Variants in PCNX2 observed in about 807,000 individuals in gnomAD.
PCNX2 encodes the protein pecanex-like protein 2.
Under a neutral mutation model 223.8 loss-of-function variants are expected in PCNX2, and 168 were observed. That is an observed-to-expected ratio of 0.75 (90% CI 0.66 to 0.85). The LOEUF (loss-of-function observed/expected upper bound fraction) is 0.85. Among genes scored for constraint, PCNX2 ranks in the 40% least tolerant of loss-of-function variants. The pLI is 0.00. For missense variants in PCNX2, 2,507 were observed against 2,675.5 expected (o/e 0.94, Z 1.39); for synonymous variants, 1,006 against 1,052.6 (o/e 0.96, Z 0.86).
Position 233,135,186 on chromosome 1 carries a change from C to A in PCNX2, c.3664G>T (p.Asp1222Tyr). 1 of 1,612,822 alleles carries A rather than the reference C, an allele frequency of 6.2e-7. No individual in the cohort carries two copies. Among genetic ancestry groups the A allele is most frequent in the Non-Finnish European group, 8.5e-7 (1 of 1,179,438 alleles). The change falls in exon 21 of 34, where the codon GAC becomes TAC. Residue 1222 changes from aspartate (D) to tyrosine (Y), a missense_variant. Around this residue, in one of 3 missense-constraint regions of PCNX2, gnomAD observed 1,372 missense variants for 1,509.4 expected, o/e 0.91. Transcript: ENST00000258229. ...CCAGCAATGATCATCAGAAAAATGT[C>A]CCAGCTGTTGGAAACAAAAGAAAAG... ...SNHRRLGTHWDIFLMIIAGMK... is the reference protein window; with the variant it reads ...SNHRRLGTHWYIFLMIIAGMK...
rs778258007 is a variant in PCNX2, at chr1:233,160,403, C to A, written c.3397G>T (p.Ala1133Ser). The change falls in exon 19 of 34, where the codon GCT becomes TCT. Residue 1133 changes from alanine to serine, a missense_variant. This residue lies in a region of PCNX2 where 1,372 missense variants were observed against 1,509.4 expected (regional missense o/e 0.91). Coordinates refer to ENST00000258229, the MANE Select transcript of PCNX2 (RefSeq NM_014801.4). ...TGTGTTACAAACCCCACGGCTCCAGCCAAGGCAAACAGCACGATGCTGAGA... is the reference window on the plus strand; with the variant it reads ...TGTGTTACAAACCCCACGGCTCCAGACAAGGCAAACAGCACGATGCTGAGA... ...PFLSIVLFAL[A>S]GAVGFVTHYV... 1.2e-6 allele frequency: 2 copies of A among 1,613,588 alleles called. No individual in the cohort carries two copies. Among genetic ancestry groups the A allele is most frequent in the Non-Finnish European group, 1.7e-6 (2 of 1,179,702 alleles).
rs1659917671 is a variant in PCNX2, at chr1:233,259,245, T to A, written c.617A>T (p.Glu206Val). 6.2e-7 allele frequency: 1 copy of A among 1,613,872 alleles called. No homozygotes were observed. The highest frequency in any genetic ancestry group is 8.5e-7 in the Non-Finnish European group (1 of 1,179,904). The change falls in exon 5 of 34, where the codon GAA (glutamate) becomes GTA (valine). Residue 206 changes from glutamate (E) to valine (V), a missense_variant. Around this residue, in one of 3 missense-constraint regions of PCNX2, gnomAD observed 1,031 missense variants for 1,021.7 expected, o/e 1.01. Coordinates refer to ENST00000258229, the MANE Select transcript of PCNX2 (RefSeq NM_014801.4). ...SLPASQAHML[E>V]TTTKSVIPVK... ...AGGTATTACTGACTTGGTCGTGGTT[T>A]CCAGCATGTGTGCTTGAGACGCAGG...
rs562547056 is a variant in PCNX2, at chr1:233,252,393, T to C, written c.2089A>G (p.Ile697Val). 38 of 1,612,606 alleles carry C rather than the reference T, an allele frequency of 2.4e-5. No individual in the cohort carries two copies. Among genetic ancestry groups the C allele is most frequent in the Non-Finnish European group, 2.7e-5 (32 of 1,178,934 alleles). Residue 697 changes from isoleucine (I) to valine (V), a missense_variant, in exon 7 of 34, where the codon ATA becomes GTA. Ile to Val is a conservative substitution (Grantham distance 29). This residue lies in a region of PCNX2 where 1,031 missense variants were observed against 1,021.7 expected (regional missense o/e 1.01). Coordinates refer to ENST00000258229, the MANE Select transcript of PCNX2 (RefSeq NM_014801.4). ...SGPETSVQEE[I>V]SVDAMHVFID... ...AAGACATGCATAGCATCCACAGATA[T>C]CTCTTCTTGTACAGATGTTTCAGGC...
the PCNX2 span, among the ~76,000 whole-genome samples, chr1:233,324,856 T>C: frequency 2.6e-5 from 4 of 152,136 alleles, no homozygotes; most frequent in African/African-American, 9.7e-5. Context: ...CCCAAAGTGC[T>C]GGGATTACAG....
intron 4 of PCNX2, among the ~76,000 whole-genome samples, chr1:233,260,399 TGTTTCATATGA>T (rs1203201390): frequency 6.6e-6 from 1 of 152,214 alleles, no homozygotes; most frequent in Non-Finnish European, 1.5e-5. Flanking sequence ...TGGAAGAATA[TGTTTCATATGA>T]AGAAAAAGGT....
At position 233,177,862 on chromosome 1, in the gene PCNX2, T is replaced by G. The variant is rs1449119551; in HGVS notation, c.3213A>C (p.Leu1071Phe). ...CAGCTGACTCTGCCAGATTTTGATG[T>G]AAAAATTTAGGAAACAGCCTGCATT... ...FIQCRLFPKF[L>F]HQNLAESAAD... Residue 1071 changes from leucine to phenylalanine, a missense_variant, in exon 17 of 34, where the codon TTA becomes TTC. Physicochemically the swap from Leu to Phe is conservative, Grantham distance 22 (BLOSUM62 0). Transcript: ENST00000258229. 6.2e-7 allele frequency: 1 copy of G among 1,613,780 alleles called. No homozygotes were observed. The highest frequency in any genetic ancestry group is 8.5e-7 in the Non-Finnish European group (1 of 1,179,864).
chr1:233,317,359 A>T, the PCNX2 span, among the ~76,000 whole-genome samples: 1 of 152,224 alleles, frequency 6.6e-6, no homozygotes, highest in African/African-American at 2.4e-5. Flanking sequence ...GGTTGCAGTG[A>T]GCTGAGATCG....
intron 21 of PCNX2, among the ~76,000 whole-genome samples, chr1:233,098,611 T>C (rs920406420): frequency 3.3e-5 from 5 of 152,192 alleles, no homozygotes; most frequent in Admixed American, 6.5e-5. Flanking sequence ...TTCTCAATCA[T>C]TGAAGAAGCC....
intron 20 of PCNX2, among the ~76,000 whole-genome samples, chr1:233,136,864 G>A (rs1304495988): frequency 7.9e-5 from 12 of 152,170 alleles, no homozygotes; most frequent in Non-Finnish European, 1.5e-5. Flanking sequence ...AGGGGAGACT[G>A]CTGATTTTCT....
chr1:233,307,245 G>T, the PCNX2 span, among the ~76,000 whole-genome samples: 1 of 152,160 alleles, frequency 6.6e-6, no homozygotes, highest in South Asian at 2.1e-4. Context: ...ATCCCCAACG[G>T]TGGAGGTGGG....
At chr1:233,044,652 G>A (rs1480926669) in intron 25 of PCNX2, among the ~76,000 whole-genome samples, 1 of 151,840 alleles carries the variant, frequency 6.6e-6, no homozygotes, top group Non-Finnish European at 1.5e-5. Flanking sequence ...GAAAAATGGT[G>A]CTTCCTCATT....
Position 233,143,000 on chromosome 1 carries a change from C to T in PCNX2, c.3518-3145G>A, listed in dbSNP as rs578012762. On this transcript the variant is annotated intron_variant, in intron 19 of 33. Coordinates refer to ENST00000258229, the MANE Select transcript of PCNX2 (RefSeq NM_014801.4). ...TTCTTGAGCTAATGTCTTCAACACC[C>T]GTAACTTTAATTATTACTTCCATGC... Among the ~76,000 whole-genome samples the T allele has an allele frequency of 2.6e-5, 4 of 152,232 alleles. No individual in the cohort carries two copies. In the South Asian group the frequency reaches 8.3e-4, roughly 32 times the overall value.
intron 1 of PCNX2, chr1:233,288,804 CTT>C (rs10558976): frequency 0.35 from 150,385 of 426,324 alleles, 17,266 homozygotes; most frequent in Admixed American, 0.46. Flanking sequence ...GAAAGATGCC[CTT>C]TTTTTTTTTT....
At chr1:232,988,505 T>C (rs1041476288) in intron 32 of PCNX2, among the ~76,000 whole-genome samples, 19 of 152,298 alleles carry the variant, frequency 1.2e-4, no homozygotes, top group Middle Eastern at 3.4e-3. Flanking sequence ...TCAAGATCAT[T>C]ATTTTACAAT....
chr1:233,008,478 GATCA>G (rs1334543893), intron 28 of PCNX2, among the ~76,000 whole-genome samples: 2 of 152,160 alleles, frequency 1.3e-5, no homozygotes, highest in Non-Finnish European at 2.9e-5. Context: ...TCACTCATAA[GATCA>G]ATTACTGCCA....
chr1:233,134,895 C>G (rs1676717838), intron 21 of PCNX2, 118 bp downstream of exon 21: 4 of 880,350 alleles, frequency 4.5e-6, no homozygotes, highest in Middle Eastern at 3.5e-4. Flanking sequence ...ATGTATAATT[C>G]AATTTCATAT....
intron 17 of PCNX2, among the ~76,000 whole-genome samples, chr1:233,168,355 T>C (rs917857937): frequency 4.6e-5 from 7 of 152,144 alleles, no homozygotes; most frequent in Admixed American, 1.3e-4. Context: ...GCTCTAGCTA[T>C]AATCATTATG....
At position 233,229,684 on chromosome 1, in the gene PCNX2, T is replaced by C. The variant is rs187073076; in HGVS notation, c.2359-2313A>G. On this transcript the variant is annotated intron_variant, in intron 9 of 33. Transcript: ENST00000258229. ...GGTTTCATATGATACCCTTAGCTGT[T>C]AGGAAAAGTCAGTATCTAAAAAATT... Among the ~76,000 whole-genome samples the C allele has an allele frequency of 3.2e-3, 482 of 152,242 alleles. 1 individual carries two copies. The highest frequency in any genetic ancestry group is 4.5e-3 in the Non-Finnish European group (305 of 67,996).
At position 233,139,716 on chromosome 1, in the gene PCNX2, G is replaced by A. The variant is rs775685166; in HGVS notation, c.3657C>T (p.Thr1219=). The change falls in exon 20 of 34, where the codon ACC becomes ACT. Residue 1219 remains threonine (T), a splice_region_variant and synonymous_variant. Transcript: ENST00000258229. This position sits in a 1 kb window ranked among gnomAD's most constrained non-coding sequence, Gnocchi z 4.4. ...FLISNHRRLG[T]HWDIFLMIIA... ...AAGATAAACCATTAACCACTTACTGGGTACCAAGTCTCCGGTGATTGCTTA... is the reference window on the plus strand; with the variant it reads ...AAGATAAACCATTAACCACTTACTGAGTACCAAGTCTCCGGTGATTGCTTA... 1.5e-5 allele frequency: 24 copies of A among 1,597,596 alleles called. No individual in the cohort carries two copies. The highest frequency in any genetic ancestry group is 1.8e-5 in the Non-Finnish European group (21 of 1,171,378).
Sources: allele counts gnomAD v4.1 joint callset (sites outside exome capture counted in the v4.1 genomes callset), GRCh38; gene constraint gnomAD v4.1.1; regional missense constraint gnomAD v4.1.1; non-coding constraint Gnocchi (gnomAD v3.1); transcripts MANE v1.5; gene names NCBI Gene and HGNC (gene_info 2026-07-23, HGNC 2026-07-21).